NCAM2: variants seen among roughly 807,000 people sequenced by gnomAD.
NCAM2 encodes the protein N-CAM-2.
A neutral mutation model predicts 98.1 loss-of-function variants in NCAM2; 30 were observed. That is an observed-to-expected ratio of 0.31 (90% CI 0.23 to 0.41). The LOEUF is 0.41. Among genes scored for constraint, NCAM2 ranks in the 10% least tolerant of loss-of-function variants. The pLI, the probability that NCAM2 is intolerant of heterozygous loss-of-function variation, is 1.00. For missense variants in NCAM2, 867 were observed against 1,005.8 expected, an observed-to-expected ratio of 0.86 and a Z score of 1.87; for synonymous variants, 368 against 342.4, an observed-to-expected ratio of 1.07 and a Z score of -0.83.
chr21:21,242,711 A>G lies in NCAM2; in HGVS notation c.56-37867A>G, dbSNP rs543024668. ...TATTCCATTGTGTATATAAGACCAC[A>G]TTGTCTTTATCCATCTATCTGATGA... On this transcript the variant is annotated intron_variant, in intron 1 of 17. Coordinates refer to ENST00000400546, the MANE Select transcript of NCAM2 (RefSeq NM_004540.5). Among the ~76,000 whole-genome samples, 4 of 152,272 alleles carry G rather than the reference A, an allele frequency of 2.6e-5. No homozygotes were observed. The East Asian group carries it at 5.8e-4, about 22-fold the overall frequency.
At chr21:21,216,976 A>G (rs1245982871) in intron 1 of NCAM2, among the ~76,000 whole-genome samples, 3 of 152,202 alleles carry the variant, frequency 2.0e-5, no homozygotes, top group African/African-American at 7.2e-5. Flanking sequence ...GCAAGTGATT[A>G]TCTTTGGCAA....
chr21:21,262,144 A>G (rs534868920), intron 1 of NCAM2, among the ~76,000 whole-genome samples: 1 of 152,256 alleles, frequency 6.6e-6, no homozygotes, highest in East Asian at 1.9e-4. Context: ...ACAACCTTCC[A>G]AGAATGAACC....
intron 8 of NCAM2, among the ~76,000 whole-genome samples, chr21:21,373,519 C>T (rs1229810768): frequency 1.3e-5 from 2 of 151,694 alleles, no homozygotes; most frequent in African/African-American, 2.4e-5. Flanking sequence ...TTGGAATTGA[C>T]GGTATCCAAA....
rs75473613 is a variant in NCAM2, at chr21:21,078,071, G to A, written c.55+79453G>A. On this transcript the variant is annotated intron_variant, in intron 1 of 17. Coordinates refer to ENST00000400546, the MANE Select transcript of NCAM2 (RefSeq NM_004540.5). ...AAAATTCTAATGTATATTATACTGT[G>A]GATATAGCTTACTTATAAGTAAAAG... Among the ~76,000 whole-genome samples, 4 of 152,108 alleles carry A rather than the reference G, an allele frequency of 2.6e-5. No individual in the cohort carries two copies. In the South Asian group the frequency reaches 8.3e-4, roughly 32 times the overall value.
chr21:21,163,410 CT>C (rs921724785), intron 1 of NCAM2, among the ~76,000 whole-genome samples: 4 of 152,134 alleles, frequency 2.6e-5, no homozygotes, highest in Non-Finnish European at 5.9e-5. Flanking sequence ...GCCTTCTTCT[CT>C]GCTTTGCTAA....
intron 1 of NCAM2, among the ~76,000 whole-genome samples, chr21:21,021,902 G>C (rs1452704108): frequency 2.0e-5 from 3 of 152,032 alleles, no homozygotes; most frequent in Non-Finnish European, 4.4e-5. Context: ...TTTATACACA[G>C]AAGTTTTATG....
In NCAM2 at chr21:21,286,432, C is replaced by T; in HGVS notation, c.481+20C>T. 1 of 1,608,062 alleles carries T rather than the reference C, an allele frequency of 6.2e-7. No individual in the cohort carries two copies. Among genetic ancestry groups the T allele is most frequent in the East Asian group, 2.2e-5 (1 of 44,736 alleles). ...CCGACAGTTAGTATTTTGGTAACTCCCTAAGTTATATGTTCTAATACTATT... is the reference window on the plus strand; with the variant it reads ...CCGACAGTTAGTATTTTGGTAACTCTCTAAGTTATATGTTCTAATACTATT... On this transcript the variant is annotated intron_variant, in intron 4 of 17. Transcript: ENST00000400546.
At chr21:21,355,861 G>A (rs1459382292) in intron 8 of NCAM2, among the ~76,000 whole-genome samples, 5 of 151,834 alleles carry the variant, frequency 3.3e-5, no homozygotes, top group Non-Finnish European at 7.4e-5. Flanking sequence ...CACCCACCTC[G>A]GCCTCCCAAA....
intron 1 of NCAM2, among the ~76,000 whole-genome samples, chr21:21,014,770 C>T (rs1013307393): frequency 2.0e-5 from 3 of 152,144 alleles, no homozygotes; most frequent in African/African-American, 7.2e-5. Context: ...TAGCTGCCAT[C>T]GGTAATGATT....
At chr21:21,318,021 T>C (rs1296521645) in intron 5 of NCAM2, among the ~76,000 whole-genome samples, 1 of 152,132 alleles carries the variant, frequency 6.6e-6, no homozygotes, top group African/African-American at 2.4e-5. Flanking sequence ...ATAATTGAAC[T>C]TTTTCTCCAT....
chr21:21,277,733 G>C (rs763833530), intron 1 of NCAM2, among the ~76,000 whole-genome samples: 4 of 152,110 alleles, frequency 2.6e-5, no homozygotes, highest in Admixed American at 6.6e-5. Flanking sequence ...GAGCAGAAGA[G>C]TGAAATTAAA....
chr21:21,473,567 T>C (rs927566734), intron 14 of NCAM2, among the ~76,000 whole-genome samples: 5 of 151,538 alleles, frequency 3.3e-5, no homozygotes, highest in East Asian at 1.9e-4. Flanking sequence ...TCTTAAATCA[T>C]AGGACATGAG....
At chr21:21,322,991 G>GT (rs1568932599) in intron 5 of NCAM2, among the ~76,000 whole-genome samples, 1 of 152,004 alleles carries the variant, frequency 6.6e-6, no homozygotes, top group East Asian at 1.9e-4. Flanking sequence ...TCCAGGAAGC[G>GT]TTGACTACTT....
At chr21:21,105,474 A>G (rs1451266169) in intron 1 of NCAM2, among the ~76,000 whole-genome samples, 2 of 152,122 alleles carry the variant, frequency 1.3e-5, no homozygotes, top group Non-Finnish European at 2.9e-5. Flanking sequence ...CTGCGATGCA[A>G]TGGAAGACAG....
At chr21:21,478,610 T>C (rs933268369) in intron 15 of NCAM2, among the ~76,000 whole-genome samples, 1 of 152,078 alleles carries the variant, frequency 6.6e-6, no homozygotes, top group African/African-American at 2.4e-5. Context: ...GTAATTGATA[T>C]TAGAGCTTTA....
chr21:21,396,027 TA>T, intron 9 of NCAM2, among the ~76,000 whole-genome samples: 1 of 151,858 alleles, frequency 6.6e-6, no homozygotes, highest in African/African-American at 2.4e-5. Flanking sequence ...TTAATTAAGT[TA>T]AAAAATTTCT....
intron 10 of NCAM2, among the ~76,000 whole-genome samples, chr21:21,414,968 G>A (rs2145938478): frequency 6.7e-6 from 1 of 148,698 alleles, no homozygotes; most frequent in African/African-American, 2.5e-5. Flanking sequence ...TTTTTTCTCA[G>A]CACTATATCT....
chr21:21,154,105 G>A (rs912717421), intron 1 of NCAM2, among the ~76,000 whole-genome samples: 2 of 151,714 alleles, frequency 1.3e-5, no homozygotes, highest in Non-Finnish European at 2.9e-5. Context: ...TTGTCTGTTT[G>A]GCACTTAAAT....
chr21:21,265,586 A>T (rs2072236739), intron 1 of NCAM2, among the ~76,000 whole-genome samples: 1 of 149,734 alleles, frequency 6.7e-6, no homozygotes, highest in Non-Finnish European at 1.5e-5. Context: ...CACAGACATT[A>T]AAAAAAATGC....
Sources: gnomAD v4.1 joint callset for allele counts (sites outside exome capture counted in the v4.1 genomes callset) on GRCh38, gnomAD v4.1.1 for gene constraint, MANE v1.5 for transcripts, NCBI Gene and HGNC (gene_info 2026-07-23, HGNC 2026-07-21) for gene names.